Variants in ZFP1 observed in about 807,000 individuals in gnomAD.
ZFP1 encodes the protein ZFP1 zinc finger protein.
ZFP1 carries 32 observed loss-of-function variants against 38.5 expected under a neutral mutation model. That is an observed-to-expected ratio of 0.83 (90% confidence interval 0.63 to 1.12). The LOEUF is 1.12. Ranked by LOEUF, ZFP1 falls within the 50% of genes most tolerant of loss-of-function variation. The probability of loss-of-function intolerance (pLI) is 0.00; values close to 1 mark genes in which losing one functional copy is unlikely to be tolerated. For synonymous variants in ZFP1, 245 were observed against 168.8 expected, an observed-to-expected ratio of 1.45 and a Z score of -3.50; for missense variants, 616 against 480.8, an observed-to-expected ratio of 1.28 and a Z score of -2.63.
chr16:75,150,442 A>G (rs989965491), intron 1 of ZFP1, among the ~76,000 whole-genome samples: 3 of 150,862 alleles, frequency 2.0e-5, no homozygotes, highest in Non-Finnish European at 2.9e-5. Context: ...GATGGTCTCT[A>G]TCTCCTGACC....
chr16:75,165,258 C>A (rs778222570), intron 2 of ZFP1, among the ~76,000 whole-genome samples: 1 of 152,144 alleles, frequency 6.6e-6, no homozygotes, highest in African/African-American at 2.4e-5. Flanking sequence ...TTACTTGACC[C>A]TTTATAGAAA....
the ZFP1 span, among the ~76,000 whole-genome samples, chr16:75,141,772 G>A: frequency 0.033 from 4,988 of 151,382 alleles, 297 homozygotes; most frequent in African/African-American, 0.12. Context: ...AAAAGAGGCT[G>A]CACCATGGTG....
chr16:75,152,803 G>C lies in ZFP1; in HGVS notation c.-43-106G>C, dbSNP rs187107148. 6.1e-6 allele frequency: 6 copies of C among 986,942 alleles called. No homozygotes were observed. In the Admixed American group the frequency reaches 1.4e-4, roughly 23 times the overall value. The allele number at this position is 986,942 out of a possible 1,614,324, so 61.1% of individuals were successfully genotyped here. On this transcript the variant is annotated intron_variant, in intron 1 of 3. Transcript: ENST00000570010. ...AGGCAAAGGGACTTTCCCAGGAGGTGGTATTTTCCCAGGTGGTCTCTAGGG... is the reference window on the plus strand; with the variant it reads ...AGGCAAAGGGACTTTCCCAGGAGGTCGTATTTTCCCAGGTGGTCTCTAGGG...
the ZFP1 span, among the ~76,000 whole-genome samples, chr16:75,122,084 A>G: frequency 3.3e-5 from 5 of 152,338 alleles, no homozygotes; most frequent in South Asian, 4.1e-4. Context: ...GCACTCAAAC[A>G]TAAATTTAGT....
chr16:75,159,663 C>T (rs1434838548), intron 2 of ZFP1, among the ~76,000 whole-genome samples: 1 of 152,046 alleles, frequency 6.6e-6, no homozygotes, highest in Non-Finnish European at 1.5e-5. Context: ...GCCTCAGCCT[C>T]CCAAAGTGCT....
At position 75,152,994 on chromosome 16, in the gene ZFP1, G is replaced by C. The variant is rs780689082; in HGVS notation, c.15+28G>C. On this transcript the variant is annotated intron_variant, in intron 2 of 3. Transcript: ENST00000570010. ...GAGTTGTTTGTTTATTCCCCATTTT[G>C]CTTTTCAGTGCATTTAAGGAAGTTT... The C allele has an allele frequency of 5.0e-6, 8 of 1,612,658 alleles. No individual in the cohort carries two copies. In the South Asian group the frequency reaches 6.6e-5, roughly 13 times the overall value.
chr16:75,141,233 C>T, the ZFP1 span, among the ~76,000 whole-genome samples: 178 of 116,738 alleles, frequency 1.5e-3, no homozygotes, highest in African/African-American at 3.9e-3. Flanking sequence ...GACGGAGTCT[C>T]GCTCTGTCGC....
the ZFP1 span, among the ~76,000 whole-genome samples, chr16:75,138,157 C>T: frequency 6.7e-6 from 1 of 149,954 alleles, no homozygotes; most frequent in Admixed American, 6.7e-5. Context: ...CTGCCTCAGC[C>T]TCTCAAGTAG....
intron 2 of ZFP1, among the ~76,000 whole-genome samples, chr16:75,163,156 C>T (rs538468310): frequency 2.6e-5 from 4 of 151,838 alleles, no homozygotes; most frequent in South Asian, 2.1e-4. Flanking sequence ...ATCCACCTGC[C>T]TCGGCCTCCC....
chr16:75,136,033 C>G, the ZFP1 span, among the ~76,000 whole-genome samples: 1 of 152,172 alleles, frequency 6.6e-6, no homozygotes, highest in Non-Finnish European at 1.5e-5. Context: ...CCAGGCTAGT[C>G]TCGAACTTCT....
the ZFP1 span, among the ~76,000 whole-genome samples, chr16:75,138,764 T>C: frequency 6.6e-6 from 1 of 152,216 alleles, no homozygotes; most frequent in Non-Finnish European, 1.5e-5. Context: ...GGAAGAAGCA[T>C]GGCAGGCTGC....
At chr16:75,140,793 A>T in the ZFP1 span, among the ~76,000 whole-genome samples, 1 of 152,122 alleles carries the variant, frequency 6.6e-6, no homozygotes, top group Non-Finnish European at 1.5e-5. Context: ...CCCCGTCTCT[A>T]CTAAAAATAC....
chr16:75,152,237 G>A (rs1451296118), intron 1 of ZFP1, among the ~76,000 whole-genome samples: 1 of 152,044 alleles, frequency 6.6e-6, no homozygotes, highest in Non-Finnish European at 1.5e-5. Context: ...GAGTTTCTTG[G>A]ACCTGTGGTT....
chr16:75,142,869 T>G, the ZFP1 span, among the ~76,000 whole-genome samples: 1 of 152,092 alleles, frequency 6.6e-6, no homozygotes, highest in Admixed American at 6.6e-5. Context: ...ACCCAGCTAA[T>G]TTTTATATTT....
chr16:75,124,296 T>C, the ZFP1 span, among the ~76,000 whole-genome samples: 2 of 149,942 alleles, frequency 1.3e-5, no homozygotes, highest in East Asian at 2.2e-4. Flanking sequence ...GTAGCTGGGA[T>C]TACAGGCACC....
chr16:75,155,349 A>T (rs999031232), intron 2 of ZFP1, among the ~76,000 whole-genome samples: 1 of 152,156 alleles, frequency 6.6e-6, no homozygotes, highest in African/African-American at 2.4e-5. Context: ...GCTCAGGCTC[A>T]TCTTGAACTC....
the ZFP1 span, among the ~76,000 whole-genome samples, chr16:75,125,677 T>C: frequency 6.6e-6 from 1 of 152,304 alleles, no homozygotes; most frequent in East Asian, 1.9e-4. Flanking sequence ...TATAAAATTT[T>C]GGAAAACAAA....
chr16:75,131,477 G>A, the ZFP1 span, among the ~76,000 whole-genome samples: 3 of 152,024 alleles, frequency 2.0e-5, no homozygotes, highest in Admixed American at 1.3e-4. Context: ...GAAGCATCAC[G>A]TTGCTAACAT....
At chr16:75,126,947 G>A in the ZFP1 span, among the ~76,000 whole-genome samples, 1 of 151,876 alleles carries the variant, frequency 6.6e-6, no homozygotes, top group South Asian at 2.1e-4. Context: ...GTTTTCTTTG[G>A]GCTGTATTCC....
Sources: allele counts gnomAD v4.1 joint callset (sites outside exome capture counted in the v4.1 genomes callset), GRCh38; gene constraint gnomAD v4.1.1; transcripts MANE v1.5; gene names NCBI Gene and HGNC (gene_info 2026-07-23, HGNC 2026-07-21).